NUF2: variants seen among roughly 807,000 people sequenced by gnomAD.
NUF2 encodes kinetochore protein Nuf2.
A neutral mutation model predicts 61.8 loss-of-function variants in NUF2; 34 were observed. The ratio of observed to expected loss-of-function variants is 0.55; its 90% CI spans 0.42 to 0.73. NUF2 has a LOEUF of 0.73. Ranked by LOEUF, NUF2 falls within the 30% of genes least tolerant of loss-of-function variation. The probability of loss-of-function intolerance (pLI) is 0.00; values close to 1 mark genes in which losing one functional copy is unlikely to be tolerated. For synonymous variants in NUF2, 172 were observed against 181.6 expected (o/e 0.95, Z 0.42); for missense variants, 445 against 539.1 (o/e 0.83, Z 1.73).
At chr1:163,341,345 G>A (rs537883862) in intron 9 of NUF2, among the ~76,000 whole-genome samples, 2 of 152,076 alleles carry the variant, frequency 1.3e-5, no homozygotes. Flanking sequence ...GACCAGCTGG[G>A]ACTACAGGCT....
intron 13 of NUF2, 115 bp downstream of exon 13, chr1:163,349,195 A>G (rs1447270850): frequency 5.1e-6 from 4 of 778,740 alleles, no homozygotes; most frequent in Admixed American, 6.5e-5. Flanking sequence ...AATGATACCT[A>G]AAATTATTTA....
chr1:163,343,117 T>C (rs1651003875), intron 9 of NUF2, among the ~76,000 whole-genome samples: 1 of 152,184 alleles, frequency 6.6e-6, no homozygotes, highest in South Asian at 2.1e-4. Context: ...ACATTCATTT[T>C]TGAAATTCAG....
At chr1:163,337,051 A>G (rs1314219855) in intron 6 of NUF2, among the ~76,000 whole-genome samples, 1 of 152,102 alleles carries the variant, frequency 6.6e-6, no homozygotes, top group Non-Finnish European at 1.5e-5. Flanking sequence ...GAAATTTGGT[A>G]ACACTATGGA....
intron 5 of NUF2, among the ~76,000 whole-genome samples, chr1:163,336,283 C>T (rs1650755027): frequency 6.6e-6 from 1 of 152,166 alleles, no homozygotes; most frequent in African/African-American, 2.4e-5. Context: ...GCTTTGGCTT[C>T]TGCAAACTCT....
intron 12 of NUF2, among the ~76,000 whole-genome samples, chr1:163,348,249 GAATT>G (rs999718276): frequency 1.1e-4 from 16 of 152,236 alleles, no homozygotes; most frequent in African/African-American, 3.8e-4. Context: ...GCTTGCATCA[GAATT>G]AACTAAATGG....
At chr1:163,340,209 C>A in intron 8 of NUF2, 155 bp from the exon 9 acceptor site, 1 of 559,336 alleles carries the variant, frequency 1.8e-6, no homozygotes, top group East Asian at 3.2e-5. Context: ...TTAGATATTT[C>A]TTTTGGCTTA....
chr1:163,343,866 C>T lies in NUF2; in HGVS notation c.803C>T (p.Ala268Val). 2 of 1,388,526 alleles carry T rather than the reference C, an allele frequency of 1.4e-6. No individual in the cohort carries two copies. Among genetic ancestry groups the T allele is most frequent in the South Asian group, 1.9e-5 (1 of 53,442 alleles). 86.0% of individuals were successfully genotyped at this position (1,388,526 alleles called of 1,614,324 possible). A position where few individuals can be genotyped will look rare whatever the true frequency, so the allele number is the denominator to read the frequency against. The change falls in exon 10 of 14, where the codon GCC (alanine) becomes GTC (valine). Residue 268 changes from alanine to valine, a missense_variant. Transcript: ENST00000271452. Reference sequence around the variant, plus strand: ...GATACGGTCCAGAAGCTTAAAAATGCCAGAGTGAGTTTTCTTTTTATTTTA... The same window carrying T: ...GATACGGTCCAGAAGCTTAAAAATGTCAGAGTGAGTTTTCTTTTTATTTTA... ...MKDTVQKLKN[A>V]RQEVVEKYEI...
At chr1:163,344,805 C>A (rs1269258298) in intron 10 of NUF2, among the ~76,000 whole-genome samples, 1 of 151,244 alleles carries the variant, frequency 6.6e-6, no homozygotes. Flanking sequence ...AAATGAGAAC[C>A]CAGAAATAGA....
intron 5 of NUF2, among the ~76,000 whole-genome samples, chr1:163,332,468 A>T (rs1332154424): frequency 6.6e-6 from 1 of 152,112 alleles, no homozygotes; most frequent in African/African-American, 2.4e-5. Flanking sequence ...GATAACATAC[A>T]TTTATTCTCC....
chr1:163,343,262 A>T (rs1038089975), intron 9 of NUF2, among the ~76,000 whole-genome samples: 1 of 152,212 alleles, frequency 6.6e-6, no homozygotes, highest in Non-Finnish European at 1.5e-5. Flanking sequence ...ACACATATTA[A>T]GTACATAATT....
At chr1:163,340,508 G>A in intron 9 of NUF2, 82 bp downstream of exon 9, 2 of 905,838 alleles carry the variant, frequency 2.2e-6, no homozygotes, top group Non-Finnish European at 3.4e-6. Flanking sequence ...TGTTATTATG[G>A]GCAAATGTTT....
chr1:163,352,477 A>G (rs766816058), intron 13 of NUF2, among the ~76,000 whole-genome samples: 8 of 152,222 alleles, frequency 5.3e-5, no homozygotes, highest in Non-Finnish European at 1.0e-4. Flanking sequence ...ATTTCAACAA[A>G]TGGCCAATGT....
intron 13 of NUF2, among the ~76,000 whole-genome samples, chr1:163,351,111 T>A (rs1651302407): frequency 6.6e-6 from 1 of 152,206 alleles, no homozygotes; most frequent in South Asian, 2.1e-4. Context: ...ATTTTCAGAT[T>A]TATTACTATC....
At chr1:163,324,755 T>G (rs1650354759) in intron 1 of NUF2, among the ~76,000 whole-genome samples, 1 of 152,122 alleles carries the variant, frequency 6.6e-6, no homozygotes, top group Admixed American at 6.5e-5. Flanking sequence ...CAGGGAGAGA[T>G]ATGAAGAAAA....
At chr1:163,343,105 T>C (rs1651003111) in intron 9 of NUF2, among the ~76,000 whole-genome samples, 1 of 152,172 alleles carries the variant, frequency 6.6e-6, no homozygotes, top group South Asian at 2.1e-4. Context: ...CTTCAAATAG[T>C]TACATTCATT....
intron 1 of NUF2, among the ~76,000 whole-genome samples, chr1:163,323,499 A>T (rs1162227652): frequency 6.6e-6 from 1 of 152,128 alleles, no homozygotes; most frequent in Non-Finnish European, 1.5e-5. Flanking sequence ...TGGGAGGATC[A>T]CTTGAGCCCA....
rs1273182227 is a variant in NUF2 at position 163,347,754 on chromosome 1, A to G, written c.949-9A>G. Reference sequence around the variant, plus strand: ...TATGTTGACTTTAAATACTTCTTATAAAATACAGAGCCTGAACTTGGAGGA... The same window carrying G: ...TATGTTGACTTTAAATACTTCTTATGAAATACAGAGCCTGAACTTGGAGGA... On this transcript the variant is annotated splice_polypyrimidine_tract_variant and intron_variant, in intron 11 of 13. Transcript: ENST00000271452. 1 of 1,493,868 alleles carries G rather than the reference A, an allele frequency of 6.7e-7. No homozygotes were observed. The highest frequency in any genetic ancestry group is 1.4e-5 in the African/African-American group (1 of 69,690). The allele number at this position is 1,493,868 out of a possible 1,614,324, so 92.5% of individuals were successfully genotyped here.
At chr1:163,349,578 T>C (rs12750590) in intron 13 of NUF2, among the ~76,000 whole-genome samples, 89,549 of 151,908 alleles carry the variant, frequency 0.59, 26,810 homozygotes, top group Middle Eastern at 0.68. Context: ...CAACTTAGAT[T>C]GAGGTTTCTA....
chr1:163,345,704 C>T lies in NUF2; in HGVS notation c.834C>T (p.Ile278=). ...ARQEVVEKYE[I]YGDSVDCLPS... ...AAGAAGTGGTGGAGAAATATGAAAT[C>T]TATGGAGACTCAGTTGACTGCCTGC... The change falls in exon 11 of 14, where the codon ATC becomes ATT. Residue 278 remains isoleucine (I), a synonymous_variant. Transcript: ENST00000271452. The T allele has an allele frequency of 6.2e-7, 1 of 1,612,926 alleles. No individual in the cohort carries two copies. The highest frequency in any genetic ancestry group is 8.5e-7 in the Non-Finnish European group (1 of 1,179,414).
Sources: gnomAD v4.1 joint callset for allele counts (sites outside exome capture counted in the v4.1 genomes callset) on GRCh38, gnomAD v4.1.1 for gene constraint, MANE v1.5 for transcripts, NCBI Gene and HGNC (gene_info 2026-07-23, HGNC 2026-07-21) for gene names.